The following VPS8 variants were observed in gnomAD, a reference collection of about 807,000 sequenced individuals.
VPS8 encodes vacuolar protein sorting-associated protein 8 homolog.
A neutral mutation model predicts 216.4 loss-of-function variants in VPS8; 129 were observed. The observed-to-expected ratio is 0.60, with a 90% CI of 0.52 to 0.69. The LOEUF is 0.69. Among genes scored for constraint, VPS8 ranks in the 30% least tolerant of loss-of-function variants. VPS8 has a pLI of 0.00. For missense variants in VPS8, 1,531 were observed against 1,683.5 expected (o/e 0.91, Z 1.59); for synonymous variants, 571 against 565.4 (o/e 1.01, Z -0.14).
chr3:184,867,803 G>A (rs1277700396), intron 17 of VPS8, among the ~76,000 whole-genome samples: 1 of 152,120 alleles, frequency 6.6e-6, no homozygotes, highest in Non-Finnish European at 1.5e-5. Flanking sequence ...CCAAGATCCC[G>A]CTGCTGCACT....
chr3:184,899,482 C>A (rs987273341), intron 24 of VPS8, among the ~76,000 whole-genome samples: 1 of 152,192 alleles, frequency 6.6e-6, no homozygotes, highest in Non-Finnish European at 1.5e-5. Context: ...TAATTCATAA[C>A]CCTTCAGTTT....
intron 46 of VPS8, among the ~76,000 whole-genome samples, chr3:185,034,972 A>G (rs770466108): frequency 6.6e-6 from 1 of 152,204 alleles, no homozygotes; most frequent in Non-Finnish European, 1.5e-5. Flanking sequence ...GAACAACTCT[A>G]TACACACAAA....
intron 15 of VPS8, among the ~76,000 whole-genome samples, chr3:184,860,562 T>C (rs913773526): frequency 1.3e-4 from 20 of 151,976 alleles, no homozygotes; most frequent in African/African-American, 4.8e-4. Context: ...CCACAAATTA[T>C]TGCCTTTCAG....
chr3:185,006,285 G>GT (rs142802031), intron 45 of VPS8, among the ~76,000 whole-genome samples: 2,816 of 152,240 alleles, frequency 0.018, 94 homozygotes, highest in African/African-American at 0.064. Context: ...TGTGTTAGAT[G>GT]TTTTTATGTT....
intron 31 of VPS8, 55 bp from the exon 32 acceptor site, chr3:184,928,396 C>A: frequency 6.9e-7 from 1 of 1,439,146 alleles, no homozygotes; most frequent in Non-Finnish European, 9.3e-7. Flanking sequence ...TGAATGCACT[C>A]TTAAAGAGCT....
chr3:184,950,216 C>CTTTTTTTTTTTTTTTTTTTTTTTTTT lies in VPS8; in HGVS notation c.3036-7155_3036-7130dup, dbSNP rs10700220. Reference sequence around the variant, plus strand: ...AGCAACCACGCCCAGCAGTTTTCTGCTTTTTTTTTTTTTTTTTTTTTTTTT... The same window carrying CTTTTTTTTTTTTTTTTTTTTTTTTTT: ...AGCAACCACGCCCAGCAGTTTTCTGCTTTTTTTTTTTTTTTTTTTTTTTTTTTTTTTTTTTTTTTTTTTTTTTTTTT... On this transcript the variant is annotated intron_variant, in intron 36 of 47. Transcript: ENST00000625842. Among the ~76,000 whole-genome samples, 3 of 39,930 alleles carry CTTTTTTTTTTTTTTTTTTTTTTTTTT rather than the reference C, an allele frequency of 7.5e-5. 1 individual carries two copies. Among genetic ancestry groups the CTTTTTTTTTTTTTTTTTTTTTTTTTT allele is most frequent in the Non-Finnish European group, 1.2e-4 (3 of 24,118 alleles). The allele number at this position is 39,930 out of a possible 152,430, so 26.2% of individuals were successfully genotyped here.
intron 22 of VPS8, among the ~76,000 whole-genome samples, chr3:184,893,901 A>G (rs1279674144): frequency 6.6e-6 from 1 of 152,246 alleles, no homozygotes; most frequent in Non-Finnish European, 1.5e-5. Flanking sequence ...ATTTTGAAGA[A>G]TAAATAGCAA....
At chr3:184,930,639 G>GTTGGCATA in intron 34 of VPS8, 71 bp downstream of exon 34, 1 of 1,093,484 alleles carries the variant, frequency 9.1e-7, no homozygotes, top group South Asian at 1.3e-5. Context: ...TTATGCCAAC[G>GTTGGCATA]AAGCAATGGC....
intron 10 of VPS8, among the ~76,000 whole-genome samples, chr3:184,851,677 G>T (rs2108660838): frequency 6.6e-6 from 1 of 152,202 alleles, no homozygotes; most frequent in East Asian, 1.9e-4. Flanking sequence ...CAAAGTTGTG[G>T]GGCTTCTTAA....
chr3:184,860,229 T>C (rs1263779528), intron 15 of VPS8, among the ~76,000 whole-genome samples, 164 bp downstream of exon 15: 2 of 151,938 alleles, frequency 1.3e-5, no homozygotes, highest in Non-Finnish European at 2.9e-5. Context: ...CCCAGCTACT[T>C]GGGAGGCCGA....
rs183061257 is a variant in VPS8 at position 184,981,711 on chromosome 3, C to T, written c.3421-855C>T. Among the ~76,000 whole-genome samples, 63 of 152,262 alleles carry T rather than the reference C, an allele frequency of 4.1e-4. No homozygotes were observed. In the East Asian group the frequency reaches 0.012, roughly 28 times the overall value. On this transcript the variant is annotated intron_variant, in intron 40 of 47. Coordinates refer to ENST00000625842, the MANE Select transcript of VPS8 (RefSeq NM_001009921.3). ...TCGGCCTCCCAAAGTGCTGGGATTACAGGCGTGAGCCACCATGCCTGGCCA... is the reference window on the plus strand; with the variant it reads ...TCGGCCTCCCAAAGTGCTGGGATTATAGGCGTGAGCCACCATGCCTGGCCA...
intron 45 of VPS8, among the ~76,000 whole-genome samples, chr3:185,017,942 C>T (rs1756050807): frequency 6.6e-6 from 1 of 152,222 alleles, no homozygotes; most frequent in South Asian, 2.1e-4. Context: ...ATATTTCAGG[C>T]TCAGCAGTTT....
At chr3:184,925,805 G>T (rs1193169571) in intron 30 of VPS8, among the ~76,000 whole-genome samples, 4 of 145,416 alleles carry the variant, frequency 2.8e-5, no homozygotes, top group African/African-American at 1.0e-4. Flanking sequence ...ACAGAGTCTG[G>T]CTCTGTCGCC....
At chr3:184,926,233 C>T (rs1287078230) in intron 30 of VPS8, among the ~76,000 whole-genome samples, 3 of 151,472 alleles carry the variant, frequency 2.0e-5, no homozygotes, top group East Asian at 4.0e-4. Context: ...AAAAATGAGC[C>T]GGGCGTGGTG....
intron 40 of VPS8, among the ~76,000 whole-genome samples, chr3:184,979,698 G>A (rs6803139): frequency 0.9 from 137,394 of 152,146 alleles, 63,012 homozygotes; most frequent in Non-Finnish European, 0.98. Context: ...GTATCATTGC[G>A]TGTAAGATGG....
At chr3:184,976,160 G>T (rs563555968) in intron 40 of VPS8, among the ~76,000 whole-genome samples, 8 of 152,010 alleles carry the variant, frequency 5.3e-5, no homozygotes, top group Non-Finnish European at 1.0e-4. Context: ...AAATTCCCAT[G>T]GACTCATACT....
chr3:184,928,140 A>G (rs1740016013), intron 31 of VPS8, among the ~76,000 whole-genome samples: 1 of 152,238 alleles, frequency 6.6e-6, no homozygotes. Context: ...TCACTTCTTG[A>G]AAGATATATA....
At position 184,999,821 on chromosome 3, in the gene VPS8, A is replaced by G; in HGVS notation, c.3962A>G (p.Asn1321Ser). 1.3e-5 allele frequency: 21 copies of G among 1,611,968 alleles called. No individual in the cohort carries two copies. The highest frequency in any genetic ancestry group is 1.8e-5 in the Non-Finnish European group (21 of 1,179,224). ...AACAAAGTAGGAAAACTCAGTGAAA[A>G]TTCATCTGAAATTAAAAAGGGAAGG... ...SSNKVGKLSE[N>S]SSEIKKGRIT... Residue 1321 changes from asparagine (N) to serine (S), a missense_variant, in exon 45 of 48, where the codon AAT (asparagine) becomes AGT (serine). By Grantham distance (46) the Asn-to-Ser change is conservative (BLOSUM62 1). This residue lies in a region of VPS8 where 1,318 missense variants were observed against 1,468.4 expected (regional missense o/e 0.90). Coordinates refer to ENST00000625842, the MANE Select transcript of VPS8 (RefSeq NM_001009921.3).
At chr3:184,822,005 C>T (rs1424924824) in intron 1 of VPS8, among the ~76,000 whole-genome samples, 3 of 152,066 alleles carry the variant, frequency 2.0e-5, no homozygotes, top group Non-Finnish European at 2.9e-5. Context: ...GAACAAGAGA[C>T]GCTGTTCTGA....
Sources: gnomAD v4.1 joint callset for allele counts (sites outside exome capture counted in the v4.1 genomes callset) on GRCh38, gnomAD v4.1.1 for gene constraint, gnomAD v4.1.1 regional missense constraint, MANE v1.5 for transcripts, NCBI Gene and HGNC (gene_info 2026-07-23, HGNC 2026-07-21) for gene names.